NRXN3: variants seen among roughly 807,000 people sequenced by gnomAD.
NRXN3 encodes neurexin 3, also known as neurexin III.
In NRXN3, 32 loss-of-function variants were observed where a neutral mutation model predicts 137.6. That is an observed-to-expected ratio of 0.23 (90% CI 0.18 to 0.31). The LOEUF is 0.31. NRXN3 is among the 10% of genes least tolerant of loss of function. The probability of loss-of-function intolerance (pLI) is 1.00; values close to 1 mark genes in which losing one functional copy is unlikely to be tolerated. For missense variants in NRXN3, 1,574 were observed against 2,062.5 expected (o/e 0.76, Z 4.59); for synonymous variants, 798 against 784.5 (o/e 1.02, Z -0.29).
At chr14:78,526,024 G>T (rs527900852) in intron 4 of NRXN3, among the ~76,000 whole-genome samples, 2 of 152,236 alleles carry the variant, frequency 1.3e-5, no homozygotes, top group South Asian at 4.1e-4. Flanking sequence ...TCCTCATTGT[G>T]TCCATGGAAC....
intron 15 of NRXN3, among the ~76,000 whole-genome samples, chr14:79,141,360 C>T (rs1307959276): frequency 1.3e-5 from 2 of 152,172 alleles, no homozygotes; most frequent in Non-Finnish European, 2.9e-5. Context: ...TCCTTAATGT[C>T]ACTAATAAAT....
chr14:79,043,733 C>G (rs950447120), intron 15 of NRXN3, among the ~76,000 whole-genome samples: 1 of 152,024 alleles, frequency 6.6e-6, no homozygotes, highest in Non-Finnish European at 1.5e-5. Context: ...GCCTTACTTG[C>G]GAGAATCTAG....
chr14:79,247,625 T>C (rs1164243650), intron 15 of NRXN3, among the ~76,000 whole-genome samples: 2 of 152,260 alleles, frequency 1.3e-5, no homozygotes, highest in East Asian at 3.9e-4. Flanking sequence ...CAATCTTATT[T>C]TAAAATGGAA....
chr14:79,618,529 T>C (rs1006905197), intron 16 of NRXN3, among the ~76,000 whole-genome samples: 5 of 149,092 alleles, frequency 3.4e-5, no homozygotes, highest in African/African-American at 1.3e-4. Flanking sequence ...TTTCATTCAT[T>C]TTTCTTTTCT....
In NRXN3 at chr14:78,932,835, A is replaced by T. The variant is rs539637308; in HGVS notation, c.2276-24407A>T. ...ATTTTTTATTGTTCAATGAAGTAGA[A>T]CCCTGTATAAAGAGGAGTTCAGGGA... On this transcript the variant is annotated intron_variant, in intron 10 of 20. Transcript: ENST00000335750. Among the ~76,000 whole-genome samples, 3 of 152,276 alleles carry T rather than the reference A, an allele frequency of 2.0e-5. No individual in the cohort carries two copies. In the South Asian group the frequency reaches 6.2e-4, roughly 32 times the overall value.
At chr14:79,457,307 G>A (rs548790348) in intron 15 of NRXN3, among the ~76,000 whole-genome samples, 6 of 152,240 alleles carry the variant, frequency 3.9e-5, no homozygotes, top group Non-Finnish European at 7.4e-5. Flanking sequence ...ATAAACTTGA[G>A]GCAGATTCTT....
chr14:78,760,485 G>A (rs1289674821), intron 8 of NRXN3, among the ~76,000 whole-genome samples: 1 of 147,038 alleles, frequency 6.8e-6, no homozygotes, highest in Non-Finnish European at 1.5e-5. Flanking sequence ...TAAAATAAAA[G>A]AGGAAAGGCA....
At chr14:78,635,785 C>G (rs1438846946) in intron 4 of NRXN3, among the ~76,000 whole-genome samples, 1 of 151,832 alleles carries the variant, frequency 6.6e-6, no homozygotes, top group Non-Finnish European at 1.5e-5. Flanking sequence ...TTTTTTTGTT[C>G]AAAAACTTCA....
chr14:79,547,142 C>T (rs561388341), intron 16 of NRXN3, among the ~76,000 whole-genome samples: 13 of 152,288 alleles, frequency 8.5e-5, no homozygotes, highest in African/African-American at 2.4e-4. Context: ...ACTTCCCCCT[C>T]TACACTCAAT....
chr14:79,779,590 A>G (rs2099107665), intron 19 of NRXN3, among the ~76,000 whole-genome samples: 6 of 152,200 alleles, frequency 3.9e-5, no homozygotes. Context: ...ACTGTAGCAC[A>G]TGATCAAAAA....
chr14:79,746,069 G>A (rs929138936), intron 19 of NRXN3, among the ~76,000 whole-genome samples: 4 of 152,086 alleles, frequency 2.6e-5, no homozygotes, highest in African/African-American at 7.2e-5. Flanking sequence ...GTATTTTTGG[G>A]TGGAACAAAA....
At chr14:78,543,337 G>T (rs1012215563) in intron 4 of NRXN3, among the ~76,000 whole-genome samples, 1 of 152,178 alleles carries the variant, frequency 6.6e-6, no homozygotes, top group African/African-American at 2.4e-5. Context: ...TTCTAGAGAG[G>T]AAGTCTTGAG....
At chr14:78,204,312 A>G (rs1450088498) in intron 1 of NRXN3, among the ~76,000 whole-genome samples, 1 of 152,020 alleles carries the variant, frequency 6.6e-6, no homozygotes, top group Non-Finnish European at 1.5e-5. Context: ...GCATGTATGA[A>G]TGGGTTCTTC....
intron 4 of NRXN3, among the ~76,000 whole-genome samples, chr14:78,554,979 A>T (rs970386306): frequency 1.3e-5 from 2 of 152,062 alleles, no homozygotes; most frequent in Non-Finnish European, 2.9e-5. Flanking sequence ...AGTCGAGAGC[A>T]TGGGCTCTGG....
At chr14:78,743,613 G>T (rs913192670) in intron 8 of NRXN3, among the ~76,000 whole-genome samples, 1 of 152,162 alleles carries the variant, frequency 6.6e-6, no homozygotes, top group Non-Finnish European at 1.5e-5. Context: ...ACATATCAGG[G>T]TATCAAAACT....
chr14:78,912,020 T>C (rs992726662), intron 10 of NRXN3, among the ~76,000 whole-genome samples: 12 of 151,672 alleles, frequency 7.9e-5, no homozygotes, highest in African/African-American at 2.4e-4. Flanking sequence ...GCTGCACCCA[T>C]TAACTCGTCA....
chr14:79,567,376 G>A (rs538493418), intron 16 of NRXN3, among the ~76,000 whole-genome samples: 1 of 151,966 alleles, frequency 6.6e-6, no homozygotes, highest in Non-Finnish European at 1.5e-5. Flanking sequence ...GACTGGACTT[G>A]CATATGTTAA....
intron 15 of NRXN3, among the ~76,000 whole-genome samples, chr14:79,304,128 T>G (rs2085625802): frequency 6.6e-6 from 1 of 152,110 alleles, no homozygotes; most frequent in Non-Finnish European, 1.5e-5. Context: ...TGGGATATAC[T>G]GCATTTAGTC....
chr14:79,465,681 C>T (rs550082894), intron 15 of NRXN3, among the ~76,000 whole-genome samples: 11 of 152,342 alleles, frequency 7.2e-5, no homozygotes, highest in South Asian at 2.1e-4. Context: ...TCTGGAAATA[C>T]ATGCGGACCA....
Sources: allele counts gnomAD v4.1 joint callset (sites outside exome capture counted in the v4.1 genomes callset), GRCh38; gene constraint gnomAD v4.1.1; transcripts MANE v1.5; gene names NCBI Gene and HGNC (gene_info 2026-07-23, HGNC 2026-07-21).